The following RASA4B variants were observed in gnomAD, a reference collection of about 807,000 sequenced individuals.
RASA4B encodes ras GTPase-activating protein 4B.
A neutral mutation model predicts 24.2 loss-of-function variants in RASA4B; 2 were observed. The observed-to-expected ratio is 0.08, with a 90% CI of 0.03 to 0.26. RASA4B has a LOEUF of 0.26. RASA4B is among the 10% of genes least tolerant of loss of function. RASA4B has a pLI of 1.00. For missense variants in RASA4B, 8 were observed against 277.2 expected (o/e 0.03, Z 6.90); for synonymous variants, 2 against 125.6 (o/e 0.02, Z 6.58).
At chr7:102,499,248 C>CT (rs746780203) in intron 8 of RASA4B, among the ~76,000 whole-genome samples, 2,446 of 82,880 alleles carry the variant, frequency 0.03, 19 homozygotes, top group African/African-American at 0.068. Context: ...ACTGGGTGTT[C>CT]TTTTTTTTTT....
Position 102,480,062 on chromosome 7 carries a change from G to A in RASA4B, c.*3530C>T, listed in dbSNP as rs1798573476. On this transcript the variant is annotated 3_prime_UTR_variant, in exon 21 of 21. Coordinates refer to ENST00000465829, the MANE Select transcript of RASA4B (RefSeq NM_001367767.2). ...GGAAACACCAGGCCATACAGAGATAGGAGCTGAGGGGACAATGAGGAGTGA... is the reference window on the plus strand; with the variant it reads ...GGAAACACCAGGCCATACAGAGATAAGAGCTGAGGGGACAATGAGGAGTGA... Among the ~76,000 whole-genome samples, 1 of 152,076 alleles carries A rather than the reference G, an allele frequency of 6.6e-6. No homozygotes were observed. Among genetic ancestry groups the A allele is most frequent in the African/African-American group, 2.4e-5 (1 of 41,442 alleles).
chr7:102,490,762 T>TAGCACCCAGGCCATTCCCAC (rs1473485528), intron 17 of RASA4B, among the ~76,000 whole-genome samples: 1 of 141,928 alleles, frequency 7.0e-6, no homozygotes, highest in East Asian at 2.1e-4. Context: ...GCCACTCCCA[T>TAGCACCCAGGCCATTCCCAC]AGCACCCAGG....
intron 19 of RASA4B, among the ~76,000 whole-genome samples, chr7:102,484,669 T>C (rs1798645980): frequency 7.3e-6 from 1 of 136,408 alleles, no homozygotes; most frequent in African/African-American, 2.5e-5. Flanking sequence ...CTTGGCATCC[T>C]GTTTTTTAAA....
intron 2 of RASA4B, among the ~76,000 whole-genome samples, chr7:102,510,705 C>G (rs375891007): frequency 0.06 from 8,260 of 137,496 alleles, 11 homozygotes; most frequent in East Asian, 0.14. Context: ...GGGTTTCACC[C>G]TGTTGGCCAG....
chr7:102,511,585 G>C (rs1303350203), intron 2 of RASA4B, among the ~76,000 whole-genome samples: 3 of 78,284 alleles, frequency 3.8e-5, no homozygotes, highest in Non-Finnish European at 8.3e-5. Flanking sequence ...ATCGTATCTC[G>C]TTAATTGCAA....
Position 102,481,136 on chromosome 7 carries a change from C to T in RASA4B, c.*2456G>A, listed in dbSNP as rs1334422508. 1.0e-5 allele frequency among the ~76,000 whole-genome samples: 1 copy of T among 98,710 alleles called. No homozygotes were observed. Among genetic ancestry groups the T allele is most frequent in the East Asian group, 2.3e-4 (1 of 4,286 alleles). 64.8% of individuals were successfully genotyped at this position (98,710 alleles called of 152,430 possible). A position where few individuals can be genotyped will look rare whatever the true frequency, so the allele number is the denominator to read the frequency against. ...TTTTAACCATTTTAAGTGTTTAACT[C>T]AGTGGTGTTAATTACATTCACAATG... On this transcript the variant is annotated 3_prime_UTR_variant, in exon 21 of 21. Coordinates refer to ENST00000465829, the MANE Select transcript of RASA4B (RefSeq NM_001367767.2).
chr7:102,492,808 G>A (rs1314190983), intron 16 of RASA4B, among the ~76,000 whole-genome samples: 2 of 128,780 alleles, frequency 1.6e-5, no homozygotes, highest in Non-Finnish European at 3.6e-5. Context: ...GGGACTACAG[G>A]CACCCACCAC....
At chr7:102,489,611 G>C (rs1798835869) in intron 17 of RASA4B, among the ~76,000 whole-genome samples, 1 of 148,272 alleles carries the variant, frequency 6.7e-6, no homozygotes, top group Non-Finnish European at 1.5e-5. Flanking sequence ...TCCTGCCTCA[G>C]CCCCCCAAGT....
intron 8 of RASA4B, among the ~76,000 whole-genome samples, chr7:102,499,193 A>AT (rs796973422): frequency 0.097 from 9,716 of 100,438 alleles, 914 homozygotes; most frequent in Admixed American, 0.13. Context: ...TCAAAAAAAA[A>AT]ATATATATAT....
chr7:102,511,440 G>A (rs893125525), intron 2 of RASA4B, among the ~76,000 whole-genome samples: 1 of 114,708 alleles, frequency 8.7e-6, no homozygotes, highest in Non-Finnish European at 1.9e-5. Flanking sequence ...GGAGGGGAAG[G>A]GAGCTCAGGC....
At chr7:102,489,616 C>A (rs1453757847) in intron 17 of RASA4B, among the ~76,000 whole-genome samples, 1 of 149,260 alleles carries the variant, frequency 6.7e-6, no homozygotes, top group Non-Finnish European at 1.5e-5. Context: ...CCTCAGCCCC[C>A]CAAGTAGCTG....
intron 8 of RASA4B, among the ~76,000 whole-genome samples, chr7:102,497,780 ACT>A (rs1449786284): frequency 1.4e-5 from 2 of 140,438 alleles, no homozygotes; most frequent in East Asian, 4.3e-4. Context: ...CTCCAGCCTG[ACT>A]CTGTCTCAAA....
chr7:102,489,495 AT>A (rs1798824334), intron 17 of RASA4B, among the ~76,000 whole-genome samples: 1 of 129,176 alleles, frequency 7.7e-6, no homozygotes, highest in Non-Finnish European at 1.7e-5. Context: ...TTACTAATTA[AT>A]TTATTTATTT....
chr7:102,511,638 T>C (rs1799699482), intron 2 of RASA4B, among the ~76,000 whole-genome samples: 1 of 38,376 alleles, frequency 2.6e-5, no homozygotes. Context: ...CAAATGAGAG[T>C]TGTTGTTACA....
At chr7:102,491,489 C>T (rs1199223214) in intron 16 of RASA4B, among the ~76,000 whole-genome samples, 6 of 52,554 alleles carry the variant, frequency 1.1e-4, no homozygotes, top group African/African-American at 1.8e-4. Flanking sequence ...ATATCCTGAC[C>T]GGGCGCAGTG....
At chr7:102,512,691 G>T (rs181077647) in intron 1 of RASA4B, among the ~76,000 whole-genome samples, 37 of 137,934 alleles carry the variant, frequency 2.7e-4, no homozygotes, top group African/African-American at 9.2e-4. Flanking sequence ...GTAAGACAGA[G>T]GGGGAGACTG....
intron 5 of RASA4B, among the ~76,000 whole-genome samples, chr7:102,503,803 C>CTT (rs141974267): frequency 4.0e-5 from 1 of 25,044 alleles, no homozygotes; most frequent in African/African-American, 8.5e-5. Context: ...GTACCTCCAG[C>CTT]TTTTTTTTTT....
At chr7:102,513,118 C>G (rs1484721344) in intron 1 of RASA4B, among the ~76,000 whole-genome samples, 2 of 149,772 alleles carry the variant, frequency 1.3e-5, no homozygotes, top group Admixed American at 6.7e-5. Context: ...TGCTCCTGCT[C>G]TCCCCAACAC....
chr7:102,504,703 A>C (rs1799437006), intron 5 of RASA4B, among the ~76,000 whole-genome samples: 1 of 14,638 alleles, frequency 6.8e-5, no homozygotes, highest in Non-Finnish European at 2.7e-4. Context: ...AAACCCACCA[A>C]AAAAAAAAAA....
Sources: gnomAD v4.1 joint callset for allele counts (sites outside exome capture counted in the v4.1 genomes callset) on GRCh38, gnomAD v4.1.1 for gene constraint, MANE v1.5 for transcripts, NCBI Gene and HGNC (gene_info 2026-07-23, HGNC 2026-07-21) for gene names.